Variants in GNB1 observed in about 807,000 individuals in gnomAD.
The protein encoded by GNB1 is guanine nucleotide-binding protein G(I)/G(S)/G(T) subunit beta-1.
GNB1 carries 2 observed loss-of-function variants against 42.9 expected under a neutral mutation model. The observed-to-expected ratio is 0.05, with a 90% CI of 0.02 to 0.15. The LOEUF is 0.15. GNB1 is among the 10% of genes least tolerant of loss of function. The pLI is 1.00. For synonymous variants in GNB1, 183 were observed against 174.7 expected, an observed-to-expected ratio of 1.05 and a Z score of -0.38; for missense variants, 193 against 462.2, an observed-to-expected ratio of 0.42 and a Z score of 5.34.
At chr1:1,871,964 C>A (rs1649273345) in intron 1 of GNB1, among the ~76,000 whole-genome samples, 1 of 151,986 alleles carries the variant, frequency 6.6e-6, no homozygotes, top group Non-Finnish European at 1.5e-5. Flanking sequence ...GTGCCCCCGA[C>A]AATCCATTTT....
At chr1:1,804,398 C>A in intron 7 of GNB1, 21 bp downstream of exon 7, 1 of 1,596,200 alleles carries the variant, frequency 6.3e-7, no homozygotes, top group Admixed American at 1.7e-5. Context: ...TCACTTGAAG[C>A]TTATGAACAA....
Position 1,787,569 on chromosome 1 carries a change from G to T in GNB1, c.917-132C>A, listed in dbSNP as rs1260039128. 3.5e-6 allele frequency: 2 copies of T among 578,638 alleles called. No individual in the cohort carries two copies. The highest frequency in any genetic ancestry group is 6.1e-6 in the Non-Finnish European group (2 of 328,688). 35.8% of individuals were successfully genotyped at this position (578,638 alleles called of 1,614,324 possible). ...CCAGAGTCTCCCACGGCCAGGAAGG[G>T]AGGGAAAGTTGCATCCACGTGGGGA... On this transcript the variant is annotated intron_variant, in intron 10 of 11. Transcript: ENST00000378609. The surrounding 1 kb of genome is among the most constrained non-coding windows in gnomAD (Gnocchi z 4.4).
At chr1:1,820,356 T>TAAAAA (rs35466451) in intron 3 of GNB1, among the ~76,000 whole-genome samples, 1 of 101,870 alleles carries the variant, frequency 9.8e-6, no homozygotes, top group African/African-American at 3.8e-5. Context: ...AGACTCTGTT[T>TAAAAA]AAAAAAAAAA....
chr1:1,886,092 A>T (rs1344788706), intron 1 of GNB1, among the ~76,000 whole-genome samples: 1 of 151,692 alleles, frequency 6.6e-6, no homozygotes, highest in Non-Finnish European at 1.5e-5. Flanking sequence ...CAGGCAGATC[A>T]CCGGAGGTCA....
intron 8 of GNB1, 95 bp downstream of exon 8, chr1:1,793,147 ATAT>A: frequency 1.5e-6 from 1 of 669,076 alleles, no homozygotes; most frequent in South Asian, 1.9e-5. Flanking sequence ...AGATGGCCTA[ATAT>A]TATGTCAAGA....
At chr1:1,816,239 T>C (rs1646853606) in intron 4 of GNB1, among the ~76,000 whole-genome samples, 1 of 152,174 alleles carries the variant, frequency 6.6e-6, no homozygotes, top group Admixed American at 6.6e-5. Flanking sequence ...CACACAGATG[T>C]CCCACACCAC....
chr1:1,822,449 CCCA>C (rs1364423531), intron 3 of GNB1, among the ~76,000 whole-genome samples: 4 of 151,710 alleles, frequency 2.6e-5, no homozygotes, highest in East Asian at 1.9e-4. Flanking sequence ...ACTACAGGCG[CCCA>C]CCACCACCAC....
At chr1:1,809,136 T>C (rs1646741811) in intron 5 of GNB1, among the ~76,000 whole-genome samples, 1 of 151,698 alleles carries the variant, frequency 6.6e-6, no homozygotes, top group African/African-American at 2.4e-5. Context: ...ACAAAATTTA[T>C]CACAGAACTA....
chr1:1,847,323 C>T (rs1647721998), intron 1 of GNB1, among the ~76,000 whole-genome samples: 1 of 140,460 alleles, frequency 7.1e-6, no homozygotes, highest in African/African-American at 2.5e-5. Flanking sequence ...GGACTGGTTC[C>T]ATCGATGTTC....
At chr1:1,798,339 C>T (rs940222440) in intron 7 of GNB1, among the ~76,000 whole-genome samples, 1 of 152,184 alleles carries the variant, frequency 6.6e-6, no homozygotes, top group African/African-American at 2.4e-5. Context: ...ACATATATCC[C>T]CTTCTGTGTC....
chr1:1,869,249 G>A (rs1265661661), intron 1 of GNB1, among the ~76,000 whole-genome samples: 2 of 117,414 alleles, frequency 1.7e-5, no homozygotes, highest in East Asian at 2.6e-4. Context: ...AACTTACAAA[G>A]ACCAGAGGCT....
intron 5 of GNB1, among the ~76,000 whole-genome samples, chr1:1,813,481 CTTAT>C (rs1646810473): frequency 6.6e-6 from 1 of 151,222 alleles, no homozygotes; most frequent in Non-Finnish European, 1.5e-5. Context: ...TATATTCTTA[CTTAT>C]TTACTTATTT....
At position 1,793,380 on chromosome 1, in the gene GNB1, A is replaced by G; in HGVS notation, c.431-69T>C. On this transcript the variant is annotated intron_variant, in intron 7 of 11. Coordinates refer to ENST00000378609, the MANE Select transcript of GNB1 (RefSeq NM_002074.5). The stretch of plus-strand genomic sequence containing the variant: ...CTTGCACCCAGCCTCATACATAGAG[A>G]AACACATTGGCCCGGTGGAAGCTCT... 4.8e-6 allele frequency: 5 copies of G among 1,035,858 alleles called. No homozygotes were observed. In the South Asian group the frequency reaches 6.5e-5, roughly 14 times the overall value. The allele number at this position is 1,035,858 out of a possible 1,614,324, so 64.2% of individuals were successfully genotyped here. A position where few individuals can be genotyped will look rare whatever the true frequency, so the allele number is the denominator to read the frequency against.
rs911308838 is a variant in GNB1 at position 1,793,393 on chromosome 1, C to T, written c.431-82G>A. 4.0e-5 allele frequency: 35 copies of T among 869,028 alleles called. 1 individual carries two copies. Among genetic ancestry groups the T allele is most frequent in the Middle Eastern group, 2.7e-4 (1 of 3,738 alleles). 53.8% of individuals were successfully genotyped at this position (869,028 alleles called of 1,614,324 possible). On this transcript the variant is annotated intron_variant, in intron 7 of 11. Coordinates refer to ENST00000378609, the MANE Select transcript of GNB1 (RefSeq NM_002074.5). Reference sequence around the variant, plus strand: ...TCATACATAGAGAAACACATTGGCCCGGTGGAAGCTCTACGTCTAAGGTAA... The same window carrying T: ...TCATACATAGAGAAACACATTGGCCTGGTGGAAGCTCTACGTCTAAGGTAA...
At chr1:1,874,373 C>T (rs375864750) in intron 1 of GNB1, among the ~76,000 whole-genome samples, 1 of 152,072 alleles carries the variant, frequency 6.6e-6, no homozygotes, top group African/African-American at 2.4e-5. Context: ...CTTTGGGAGG[C>T]TGAGGCGGGC....
intron 5 of GNB1, among the ~76,000 whole-genome samples, chr1:1,809,985 C>A (rs1646752519): frequency 6.6e-6 from 1 of 151,986 alleles, no homozygotes; most frequent in African/African-American, 2.4e-5. Context: ...GTAACCCCAG[C>A]ACTTTGGGAG....
chr1:1,853,200 T>C (rs1648085941), intron 1 of GNB1, among the ~76,000 whole-genome samples: 1 of 152,164 alleles, frequency 6.6e-6, no homozygotes, highest in Admixed American at 6.6e-5. Context: ...CCACCTCTTT[T>C]CCACTTCAAT....
intron 3 of GNB1, among the ~76,000 whole-genome samples, chr1:1,822,437 G>C (rs993352410): frequency 2.6e-5 from 4 of 151,186 alleles, no homozygotes; most frequent in African/African-American, 9.7e-5. Context: ...CAAGTAGTTG[G>C]GACTACAGGC....
intron 2 of GNB1, among the ~76,000 whole-genome samples, chr1:1,835,012 GAA>G (rs905335001): frequency 6.6e-5 from 10 of 152,124 alleles, no homozygotes; most frequent in African/African-American, 2.4e-4. Flanking sequence ...TAGGTTTAGG[GAA>G]AGACTGCTGT....
Sources: gnomAD v4.1 joint callset for allele counts (sites outside exome capture counted in the v4.1 genomes callset) on GRCh38, gnomAD v4.1.1 for gene constraint, Gnocchi (gnomAD v3.1) non-coding constraint, MANE v1.5 for transcripts, NCBI Gene and HGNC (gene_info 2026-07-23, HGNC 2026-07-21) for gene names.